Variants in PPIE observed in about 807,000 individuals in gnomAD.
The protein encoded by PPIE is peptidyl-prolyl cis-trans isomerase E.
A neutral mutation model predicts 38.4 loss-of-function variants in PPIE; 20 were observed. The observed-to-expected ratio is 0.52, with a 90% CI of 0.37 to 0.76. The LOEUF is 0.76. Among genes scored for constraint, PPIE ranks in the 30% least tolerant of loss-of-function variants. The probability of loss-of-function intolerance (pLI) is 0.00; values close to 1 mark genes in which losing one functional copy is unlikely to be tolerated. For synonymous variants in PPIE, 142 were observed against 135.7 expected, an observed-to-expected ratio of 1.05 and a Z score of -0.32; for missense variants, 322 against 385.8, an observed-to-expected ratio of 0.83 and a Z score of 1.39.
chr1:39,760,397 C>T (rs1207396538), downstream of PPIE: 4 of 1,612,504 alleles, frequency 2.5e-6, no homozygotes, highest in Non-Finnish European at 3.4e-6. Flanking sequence ...AGGGTGGCTG[C>T]AGCTGGGCCG....
Position 39,743,866 on chromosome 1 carries a change from C to T in PPIE, c.326C>T (p.Thr109Met), listed in dbSNP as rs764879686. Residue 109 changes from threonine to methionine, a missense_variant, in exon 6 of 10, where the codon ACG (threonine) becomes ATG (methionine). Coordinates refer to ENST00000324379, the MANE Select transcript of PPIE (RefSeq NM_006112.4). The stretch of plus-strand genomic sequence containing the variant: ...TGGTTGAAGAAGTTTTCTGGGAAGA[C>T]GCTTGAAGAGAATAAAGAGGAAGAA... Reference protein sequence around the residue: ...DDWLKKFSGKTLEENKEEEGS... With the variant: ...DDWLKKFSGKMLEENKEEEGS... 15 of 1,613,844 alleles carry T rather than the reference C, an allele frequency of 9.3e-6. No individual in the cohort carries two copies. The highest frequency in any genetic ancestry group is 1.6e-4 in the Middle Eastern group (1 of 6,062).
At chr1:39,745,072 TC>T (rs1266425279) in intron 6 of PPIE, among the ~76,000 whole-genome samples, 2 of 152,190 alleles carry the variant, frequency 1.3e-5, no homozygotes, top group Non-Finnish European at 2.9e-5. Flanking sequence ...AAAGTGCTGT[TC>T]TGTGACTGTG....
intron 3 of PPIE, 180 bp downstream of exon 3, chr1:39,741,589 A>G (rs1647058441): frequency 1.5e-6 from 1 of 684,964 alleles, no homozygotes; most frequent in Non-Finnish European, 2.5e-6. Context: ...ACTGTGAATA[A>G]CATGTCAGAC....
At chr1:39,762,586 T>TG (rs755183076) in intron 9 of PPIE, 5 of 1,544,970 alleles carry the variant, frequency 3.2e-6, no homozygotes, top group Non-Finnish European at 3.5e-6. Flanking sequence ...AGAGAGAAAC[T>TG]GGGGGAAAAG....
At chr1:39,744,944 T>C (rs1647156312) in intron 6 of PPIE, among the ~76,000 whole-genome samples, 1 of 152,180 alleles carries the variant, frequency 6.6e-6, no homozygotes, top group Non-Finnish European at 1.5e-5. Context: ...CCAGTGTATA[T>C]GCAGGGCCAG....
rs1475358370 is a variant in PPIE at position 39,754,945 on chromosome 1, A to G, written c.*1590A>G. On this transcript the variant is annotated 3_prime_UTR_variant, in exon 10 of 10. Coordinates refer to ENST00000324379, the MANE Select transcript of PPIE (RefSeq NM_006112.4). ...CATGGCCTAGCCAAATTGACACACA[A>G]AATAGACCATCACAGTCCCAAGGCC... 4 of 934,996 alleles carry G rather than the reference A, an allele frequency of 4.3e-6. No individual in the cohort carries two copies. Among genetic ancestry groups the G allele is most frequent in the Non-Finnish European group, 5.1e-6 (4 of 784,124 alleles). The allele number at this position is 934,996 out of a possible 1,614,324, so 57.9% of individuals were successfully genotyped here. A position where few individuals can be genotyped will look rare whatever the true frequency, so the allele number is the denominator to read the frequency against.
At position 39,755,308 on chromosome 1, in the gene PPIE, A is replaced by G; in HGVS notation, c.*1953A>G. The G allele has an allele frequency of 1.0e-5, 10 of 985,436 alleles. No individual in the cohort carries two copies. The highest frequency in any genetic ancestry group is 1.2e-5 in the Non-Finnish European group (10 of 829,922). The allele number at this position is 985,436 out of a possible 1,614,324, so 61.0% of individuals were successfully genotyped here. A position where few individuals can be genotyped will look rare whatever the true frequency, so the allele number is the denominator to read the frequency against. Reference sequence around the variant, plus strand: ...AGGCAGGAGAGGCTAGGTGGTCCTCATGACCCTAGGATAGCTCTTGCTGAG... The same window carrying G: ...AGGCAGGAGAGGCTAGGTGGTCCTCGTGACCCTAGGATAGCTCTTGCTGAG... On this transcript the variant is annotated 3_prime_UTR_variant, in exon 10 of 10. Transcript: ENST00000324379.
intron 7 of PPIE, 28 bp from the exon 8 acceptor site, chr1:39,748,875 C>A (rs531602113): frequency 6.3e-7 from 1 of 1,599,686 alleles, no homozygotes; most frequent in Non-Finnish European, 8.5e-7. Context: ...TTTTTTAACC[C>A]CAGCGCTTTT....
chr1:39,749,993 C>A (rs985226144), intron 8 of PPIE, among the ~76,000 whole-genome samples: 1 of 152,044 alleles, frequency 6.6e-6, no homozygotes, highest in African/African-American at 2.4e-5. Flanking sequence ...ATTAGCCGGG[C>A]GTGGTGGCGC....
chr1:39,757,152 G>A (rs372069416), downstream of PPIE: 7 of 152,354 alleles, frequency 4.6e-5, no homozygotes, highest in East Asian at 9.6e-4. Flanking sequence ...TTAGGAAAGA[G>A]CACAGCTCTG....
chr1:39,753,246 A>G (rs775343698), intron 9 of PPIE, 41 bp from the exon 10 acceptor site: 1 of 1,610,614 alleles, frequency 6.2e-7, no homozygotes, highest in South Asian at 1.1e-5. Flanking sequence ...AACCACTGTT[A>G]GTCTCCGGCC....
At chr1:39,760,169 T>C, downstream of PPIE, 1 of 625,514 alleles carries the variant, frequency 1.6e-6, no homozygotes, top group Admixed American at 3.1e-5. Flanking sequence ...GAGAGGCGTT[T>C]GCATTTGGGT....
chr1:39,758,299 C>G (rs766497493), downstream of PPIE: 4 of 152,254 alleles, frequency 2.6e-5, no homozygotes, highest in African/African-American at 9.6e-5. Flanking sequence ...GTTGTGATCT[C>G]TGCTCACTGC....
At chr1:39,761,664 C>A (rs1649000605), downstream of PPIE, among the ~76,000 whole-genome samples, 2 of 152,186 alleles carry the variant, frequency 1.3e-5, no homozygotes, top group Non-Finnish European at 2.9e-5. Context: ...GGCCCTGAAC[C>A]TGCCAAGCTC....
chr1:39,760,359 G>T, downstream of PPIE: 1 of 1,602,440 alleles, frequency 6.2e-7, no homozygotes, highest in Non-Finnish European at 8.5e-7. Flanking sequence ...AGGGTTTCCT[G>T]CTTCTGAGGG....
chr1:39,741,163 T>C (rs1189649762), intron 2 of PPIE, among the ~76,000 whole-genome samples: 1 of 152,220 alleles, frequency 6.6e-6, no homozygotes, highest in African/African-American at 2.4e-5. Context: ...TATTCAGCTA[T>C]GTCCATTAAA....
chr1:39,763,030 C>T, intron 9 of PPIE: 1 of 1,578,828 alleles, frequency 6.3e-7, no homozygotes, highest in African/African-American at 1.3e-5. Context: ...CCAGCTGGAC[C>T]AGACCCCTCT....
At chr1:39,748,171 T>C (rs1647323467) in intron 7 of PPIE, 1 of 152,260 alleles carries the variant, frequency 6.6e-6, no homozygotes, top group Non-Finnish European at 1.5e-5. Flanking sequence ...AGCATTCTCC[T>C]GTTCTGTGGG....
Position 39,741,402 on chromosome 1 carries a change from T to G in PPIE, c.167T>G (p.Leu56Trp), listed in dbSNP as rs747462105. Residue 56 changes from leucine (L) to tryptophan (W), a missense_variant, in exon 3 of 10, where the codon TTG becomes TGG. By Grantham distance (61) the Leu-to-Trp change is moderately conservative. Transcript: ENST00000324379. ...GGATTTGCTTTTGTTGAATTTGAGT[T>G]GGCAGAGGTGAGAGTCTGTGTTACT... ...HRGFAFVEFE[L>W]AEDAAAAIDN... The G allele has an allele frequency of 1.9e-6, 3 of 1,614,134 alleles. No homozygotes were observed. The Admixed American group carries it at 5.0e-5, about 27-fold the overall frequency.
Sources: allele counts gnomAD v4.1 joint callset (sites outside exome capture counted in the v4.1 genomes callset), GRCh38; gene constraint gnomAD v4.1.1; transcripts MANE v1.5; gene names NCBI Gene and HGNC (gene_info 2026-07-23, HGNC 2026-07-21).